Variants in RIC3 observed in about 807,000 individuals in gnomAD.
The protein encoded by RIC3 is protein RIC-3.
RIC3 carries 28 observed loss-of-function variants against 27.3 expected under a neutral mutation model. That is an observed-to-expected ratio of 1.02 (90% CI 0.76 to 1.41). The LOEUF is 1.41. Among genes scored for constraint, RIC3 ranks in the 40% most tolerant of loss-of-function variants. The probability of loss-of-function intolerance (pLI) is 0.00; values close to 1 mark genes in which losing one functional copy is unlikely to be tolerated. For missense variants in RIC3, 501 were observed against 444.7 expected (o/e 1.13, Z -1.14); for synonymous variants, 184 against 160.4 (o/e 1.15, Z -1.11).
intron 5 of RIC3, among the ~76,000 whole-genome samples, chr11:8,125,400 G>A (rs1333881146): frequency 5.3e-5 from 8 of 152,008 alleles, no homozygotes; most frequent in Non-Finnish European, 1.2e-4. Flanking sequence ...AAATGATAAA[G>A]AATTTGTACT....
At chr11:8,161,515 C>G (rs888840204) in intron 1 of RIC3, among the ~76,000 whole-genome samples, 2 of 152,218 alleles carry the variant, frequency 1.3e-5, no homozygotes, top group Non-Finnish European at 2.9e-5. Flanking sequence ...TTGATAACCT[C>G]TCTTGCTCTA....
chr11:8,149,210 A>G (rs1003067008), intron 1 of RIC3, among the ~76,000 whole-genome samples: 2 of 150,708 alleles, frequency 1.3e-5, no homozygotes, highest in Non-Finnish European at 3.0e-5. Context: ...AAATAAATAA[A>G]TAATATAATA....
the RIC3 span, chr11:8,095,405 C>CT: frequency 3.7e-6 from 5 of 1,359,062 alleles, no homozygotes; most frequent in Non-Finnish European, 5.0e-6. Context: ...GAGGGTTTCC[C>CT]CACTCTTCCC....
downstream of RIC3, chr11:8,102,160 G>A (rs1305474782): frequency 6.5e-6 from 1 of 152,740 alleles, no homozygotes; most frequent in African/African-American, 2.4e-5. Context: ...AACTTCAGAA[G>A]GCCTCACTCA....
chr11:8,123,856 T>C (rs981880193), intron 5 of RIC3, among the ~76,000 whole-genome samples: 5 of 151,328 alleles, frequency 3.3e-5, no homozygotes, highest in African/African-American at 1.2e-4. Flanking sequence ...CATGAGTAGC[T>C]GGGCCTACAG....
At chr11:8,096,805 G>C in the RIC3 span, 3 of 1,614,166 alleles carry the variant, frequency 1.9e-6, no homozygotes, top group South Asian at 1.1e-5. Flanking sequence ...AAGTCCGTCA[G>C]GGTGAGTGAG....
rs1250904912 is a variant in RIC3 at position 8,106,889 on chromosome 11, G to C, written c.*3809C>G. The C allele has an allele frequency of 6.6e-6, 1 of 152,232 alleles. No homozygotes were observed. The highest frequency in any genetic ancestry group is 2.4e-5 in the African/African-American group (1 of 41,454). 9.4% of individuals were successfully genotyped at this position (152,232 alleles called of 1,614,324 possible). ...AGAGGGTGTCAGGTGTGACATCTCA[G>C]CAACACTGGACTTGACAGAGTGGTG... On this transcript the variant is annotated 3_prime_UTR_variant, in exon 6 of 6. Transcript: ENST00000309737.
rs1004086578 is a variant in RIC3, at chr11:8,140,064, C to T, written c.254G>A (p.Gly85Asp). 2.5e-6 allele frequency: 4 copies of T among 1,614,008 alleles called. No individual in the cohort carries two copies. Among genetic ancestry groups the T allele is most frequent in the Non-Finnish European group, 3.4e-6 (4 of 1,180,036 alleles). The change falls in exon 2 of 6, where the codon GGT becomes GAT. Residue 85 changes from glycine to aspartate, a missense_variant. Gly to Asp is a moderately conservative substitution (Grantham distance 94). Coordinates refer to ENST00000309737, the MANE Select transcript of RIC3 (RefSeq NM_001206671.4). ...AFAKAKGSGG[G>D]AGGGGSGRGL... The stretch of plus-strand genomic sequence containing the variant: ...TCTTCCACTACCTCCTCCTCCAGCA[C>T]CTCCACCTGATCCTTTGGCCTTTGC...
At chr11:8,130,263 T>C (rs1947528547) in intron 4 of RIC3, among the ~76,000 whole-genome samples, 1 of 138,164 alleles carries the variant, frequency 7.2e-6, no homozygotes, top group African/African-American at 3.0e-5. Context: ...GGGATAGATA[T>C]AGGACCCAAG....
intron 1 of RIC3, among the ~76,000 whole-genome samples, chr11:8,152,724 A>T (rs1381781119): frequency 1.3e-5 from 2 of 152,178 alleles, no homozygotes; most frequent in Non-Finnish European, 2.9e-5. Flanking sequence ...TAAATAGGTG[A>T]ATTGCATATG....
At chr11:8,145,645 A>C (rs1221294128) in intron 1 of RIC3, among the ~76,000 whole-genome samples, 2 of 151,936 alleles carry the variant, frequency 1.3e-5, no homozygotes, top group Non-Finnish European at 1.5e-5. Context: ...GCTTGTGGGG[A>C]GGGGCAGAGG....
Position 8,139,504 on chromosome 11 carries a change from G to A in RIC3, c.351+463C>T, listed in dbSNP as rs76655734. 449 of 158,562 alleles carry A rather than the reference G, an allele frequency of 2.8e-3. 6 individuals are homozygous for A. The highest frequency in any genetic ancestry group is 0.01 in the African/African-American group (431 of 41,662). 9.8% of individuals were successfully genotyped at this position (158,562 alleles called of 1,614,324 possible). ...TAAAAACAGCATCTCAAATTCCTGT[G>A]GAGAAACAAGCAGGATAAAGTGGTG... On this transcript the variant is annotated intron_variant, in intron 2 of 5. Coordinates refer to ENST00000309737, the MANE Select transcript of RIC3 (RefSeq NM_001206671.4).
At chr11:8,093,909 G>A in the RIC3 span, 1 of 968,710 alleles carries the variant, frequency 1.0e-6, no homozygotes, top group Non-Finnish European at 1.6e-6. Context: ...CCTGTGGGCT[G>A]TAGAAGTGGT....
At chr11:8,105,173 T>TAACACTGGCCTTCCCTTCTCTAATTC (rs1944498317), downstream of RIC3, 1 of 152,236 alleles carries the variant, frequency 6.6e-6, no homozygotes, top group African/African-American at 2.4e-5. Flanking sequence ...CTTACTGCAG[T>TAACACTGGCCTTCCCTTCTCTAATTC]AACACTGGCC....
downstream of RIC3, chr11:8,105,877 G>A (rs1281800479): frequency 6.6e-6 from 1 of 152,178 alleles, no homozygotes; most frequent in Non-Finnish European, 1.5e-5. Flanking sequence ...AACTTAGGAT[G>A]GCTAGGAAAG....
chr11:8,128,479 T>C (rs7482611), intron 4 of RIC3: 153,499 of 344,876 alleles, frequency 0.45, 37,192 homozygotes, highest in African/African-American at 0.71. Context: ...TCATGCATTA[T>C]GCATTAATCA....
intron 1 of RIC3, among the ~76,000 whole-genome samples, chr11:8,162,455 C>T (rs1037859644): frequency 2.0e-5 from 3 of 152,104 alleles, no homozygotes; most frequent in African/African-American, 7.2e-5. Context: ...CTTTCTAAAA[C>T]CAGGTTAAAT....
rs537621659 is a variant in RIC3, at chr11:8,111,057, G to T, written c.751C>A (p.Pro251Thr). 2 of 1,614,004 alleles carry T rather than the reference G, an allele frequency of 1.2e-6. No individual in the cohort carries two copies. The highest frequency in any genetic ancestry group is 4.5e-5 in the East Asian group (2 of 44,874). The change falls in exon 6 of 6, where the codon CCT becomes ACT. Residue 251 changes from proline to threonine, a missense_variant. Physicochemically the swap from Pro to Thr is conservative, Grantham distance 38. Coordinates refer to ENST00000309737, the MANE Select transcript of RIC3 (RefSeq NM_001206671.4). ...TCAGCAGAAAGTTCTTTTGGGTCAG[G>T]GTAATCCACCAAGATTGTTTCTTGC... ...RRQETILVDY[P>T]DPKELSAEEI...
the RIC3 span, chr11:8,100,795 G>C: frequency 2.5e-6 from 4 of 1,611,376 alleles, no homozygotes; most frequent in Non-Finnish European, 3.4e-6. Context: ...CCAAAGGCCT[G>C]GGCCTGGCTC....
Sources: gnomAD v4.1 joint callset for allele counts (sites outside exome capture counted in the v4.1 genomes callset) on GRCh38, gnomAD v4.1.1 for gene constraint, MANE v1.5 for transcripts, NCBI Gene and HGNC (gene_info 2026-07-23, HGNC 2026-07-21) for gene names.